Variants in FRMD3 observed in about 807,000 individuals in gnomAD.
FRMD3 encodes the protein FERM domain-containing protein 3.
A neutral mutation model predicts 70.2 loss-of-function variants in FRMD3; 33 were observed. That is an observed-to-expected ratio of 0.47 (90% CI 0.36 to 0.63). FRMD3 has a LOEUF of 0.63. Among genes scored for constraint, FRMD3 ranks in the 20% least tolerant of loss-of-function variants. The pLI is 0.00. For synonymous variants in FRMD3, 279 were observed against 255.9 expected (o/e 1.09, Z -0.86); for missense variants, 632 against 711.4 (o/e 0.89, Z 1.27).
At chr9:83,381,078 T>C (rs978926941) in intron 2 of FRMD3, among the ~76,000 whole-genome samples, 7 of 152,194 alleles carry the variant, frequency 4.6e-5, no homozygotes, top group Middle Eastern at 3.2e-3. Context: ...TGCCATCTGA[T>C]GAATGTAGCC....
intron 6 of FRMD3, among the ~76,000 whole-genome samples, chr9:83,320,319 A>G (rs1418641724): frequency 2.0e-5 from 3 of 152,094 alleles, no homozygotes; most frequent in Non-Finnish European, 4.4e-5. Context: ...CTATATTAAG[A>G]TATGTTCCTT....
intron 13 of FRMD3, among the ~76,000 whole-genome samples, chr9:83,252,875 G>T (rs1277396491): frequency 6.6e-6 from 1 of 152,108 alleles, no homozygotes; most frequent in African/African-American, 2.4e-5. Context: ...AGTGCTTTAT[G>T]AGACCTACAA....
intron 13 of FRMD3, among the ~76,000 whole-genome samples, chr9:83,262,953 G>A (rs1420161542): frequency 1.3e-5 from 2 of 152,158 alleles, no homozygotes; most frequent in Admixed American, 1.3e-4. Context: ...TTTAAAACGG[G>A]CATATGGGCC....
downstream of FRMD3, among the ~76,000 whole-genome samples, chr9:83,244,261 G>T (rs1457516307): frequency 6.6e-6 from 1 of 152,154 alleles, no homozygotes; most frequent in Non-Finnish European, 1.5e-5. Flanking sequence ...CCCTTTTCTG[G>T]CCAGTGATGA....
At chr9:83,266,566 G>C (rs937424848) in intron 13 of FRMD3, among the ~76,000 whole-genome samples, 1 of 152,128 alleles carries the variant, frequency 6.6e-6, no homozygotes, top group African/African-American at 2.4e-5. Context: ...GTAAAGCTCT[G>C]CCTTGAGGAT....
chr9:83,560,037 T>C, the FRMD3 span, among the ~76,000 whole-genome samples: 2 of 152,166 alleles, frequency 1.3e-5, no homozygotes, highest in African/African-American at 2.4e-5. Flanking sequence ...TGACAAGAAA[T>C]GAAAAGGTTG....
intron 13 of FRMD3, chr9:83,267,014 G>C (rs1222678897): frequency 6.4e-7 from 1 of 1,550,724 alleles, no homozygotes; most frequent in African/African-American, 1.4e-5. Flanking sequence ...ACACATACCA[G>C]TGTTACGAGC....
the FRMD3 span, among the ~76,000 whole-genome samples, chr9:83,546,331 C>T: frequency 2.0e-5 from 3 of 151,560 alleles, no homozygotes; most frequent in African/African-American, 7.3e-5. Flanking sequence ...CACTCCACCC[C>T]GGGTGACAGA....
At chr9:83,571,237 T>G in the FRMD3 span, among the ~76,000 whole-genome samples, 1 of 152,210 alleles carries the variant, frequency 6.6e-6, no homozygotes, top group Non-Finnish European at 1.5e-5. Context: ...CAAACTTCAC[T>G]CCTCTTCACT....
At chr9:83,475,759 A>T (rs1207330011) in intron 1 of FRMD3, among the ~76,000 whole-genome samples, 2 of 152,230 alleles carry the variant, frequency 1.3e-5, no homozygotes, top group Non-Finnish European at 2.9e-5. Flanking sequence ...CTGAAACTGA[A>T]AAAAACTACG....
intron 13 of FRMD3, among the ~76,000 whole-genome samples, chr9:83,284,265 C>T (rs934316631): frequency 4.6e-5 from 7 of 151,984 alleles, no homozygotes; most frequent in South Asian, 2.1e-4. Flanking sequence ...CCACAGGATT[C>T]GTAAACAGCT....
In FRMD3 at chr9:83,246,069, C is replaced by T; in HGVS notation, c.*1849G>A. The T allele has an allele frequency of 8.1e-6, 8 of 985,284 alleles. No individual in the cohort carries two copies. The highest frequency in any genetic ancestry group is 3.5e-5 in the African/African-American group (2 of 57,306). 61.0% of individuals were successfully genotyped at this position (985,284 alleles called of 1,614,324 possible). A position where few individuals can be genotyped will look rare whatever the true frequency, so the allele number is the denominator to read the frequency against. On this transcript the variant is annotated 3_prime_UTR_variant, in exon 14 of 14. Transcript: ENST00000304195. ...ACTGCAGGCTTCACGAACTGAGTTT[C>T]AAAACTCATTTCCAAAATTAAATGT...
intron 1 of FRMD3, among the ~76,000 whole-genome samples, chr9:83,456,701 CG>C (rs1017434343): frequency 6.6e-6 from 1 of 152,058 alleles, no homozygotes; most frequent in African/African-American, 2.4e-5. Flanking sequence ...CAATACAGGC[CG>C]GGCACAGTGG....
At chr9:83,552,896 A>C in the FRMD3 span, among the ~76,000 whole-genome samples, 1 of 152,138 alleles carries the variant, frequency 6.6e-6, no homozygotes, top group Non-Finnish European at 1.5e-5. Context: ...TCTTGAAGAC[A>C]GCATACCATT....
intron 4 of FRMD3, among the ~76,000 whole-genome samples, chr9:83,346,955 C>T (rs897100412): frequency 1.3e-5 from 2 of 152,130 alleles, no homozygotes; most frequent in Non-Finnish European, 2.9e-5. Context: ...AAATCTTAGC[C>T]CTTTTTAAGG....
intron 1 of FRMD3, 30 bp from the exon 2 acceptor site, chr9:83,389,738 C>T (rs1299825903): frequency 6.6e-7 from 1 of 1,504,654 alleles, no homozygotes; most frequent in Non-Finnish European, 9.3e-7. Flanking sequence ...AAGTCTCAGC[C>T]AGAGCTCACC....
chr9:83,310,429 T>C (rs1835307376), intron 9 of FRMD3, 56 bp downstream of exon 9: 1 of 1,379,596 alleles, frequency 7.2e-7, no homozygotes, highest in Admixed American at 1.9e-5. Context: ...ATTTTACTCC[T>C]GAATCTCTCT....
intron 1 of FRMD3, among the ~76,000 whole-genome samples, chr9:83,418,399 A>G (rs1267225850): frequency 6.6e-6 from 1 of 152,220 alleles, no homozygotes; most frequent in Non-Finnish European, 1.5e-5. Flanking sequence ...TAGTGTCCAG[A>G]ATCTATAAGG....
intron 3 of FRMD3, among the ~76,000 whole-genome samples, chr9:83,358,753 T>C (rs946043902): frequency 6.6e-6 from 1 of 152,092 alleles, no homozygotes; most frequent in Non-Finnish European, 1.5e-5. Context: ...GATTTTATTC[T>C]CAGCTTGGTC....
Sources: gnomAD v4.1 joint callset for allele counts (sites outside exome capture counted in the v4.1 genomes callset) on GRCh38, gnomAD v4.1.1 for gene constraint, MANE v1.5 for transcripts, NCBI Gene and HGNC (gene_info 2026-07-23, HGNC 2026-07-21) for gene names.